The following KCNT2 variants were observed in gnomAD, a reference collection of about 807,000 sequenced individuals.
The protein encoded by KCNT2 is potassium channel subfamily T member 2.
In KCNT2, 67 loss-of-function variants were observed where a neutral mutation model predicts 153.8. The observed-to-expected ratio is 0.44, with a 90% CI of 0.36 to 0.53. The LOEUF (loss-of-function observed/expected upper bound fraction) is 0.53. Ranked by LOEUF, KCNT2 falls within the 20% of genes least tolerant of loss-of-function variation. KCNT2 has a pLI of 0.00. For missense variants in KCNT2, 975 were observed against 1,354.8 expected (o/e 0.72, Z 4.40); for synonymous variants, 500 against 458.8 (o/e 1.09, Z -1.15).
intron 26 of KCNT2, among the ~76,000 whole-genome samples, chr1:196,251,654 A>G (rs2102299598): frequency 6.6e-6 from 1 of 152,110 alleles, no homozygotes; most frequent in East Asian, 1.9e-4. Flanking sequence ...GTACAAAAAT[A>G]TAATTAGATA....
chr1:196,507,734 G>A (rs1033099801), intron 1 of KCNT2, among the ~76,000 whole-genome samples: 1 of 151,992 alleles, frequency 6.6e-6, no homozygotes, highest in East Asian at 1.9e-4. Context: ...TGCTATAACA[G>A]CCCTTCCTCA....
intron 12 of KCNT2, among the ~76,000 whole-genome samples, chr1:196,422,252 C>T (rs1241679898): frequency 6.6e-6 from 1 of 151,978 alleles, no homozygotes; most frequent in Non-Finnish European, 1.5e-5. Flanking sequence ...CTATTAAGTG[C>T]TCCAGAAGAG....
At chr1:196,276,330 T>G (rs768267649) in intron 25 of KCNT2, among the ~76,000 whole-genome samples, 1 of 152,124 alleles carries the variant, frequency 6.6e-6, no homozygotes, top group Non-Finnish European at 1.5e-5. Flanking sequence ...CGATGTTATA[T>G]TCCTAAGGTC....
At chr1:196,559,661 AT>A (rs1314586195) in intron 1 of KCNT2, among the ~76,000 whole-genome samples, 2 of 151,846 alleles carry the variant, frequency 1.3e-5, no homozygotes, top group Non-Finnish European at 2.9e-5. Flanking sequence ...AAACAGCTTA[AT>A]TGTAAAAAGC....
chr1:196,321,513 A>T (rs1475324050), intron 19 of KCNT2, among the ~76,000 whole-genome samples: 2 of 152,008 alleles, frequency 1.3e-5, no homozygotes, highest in African/African-American at 2.4e-5. Flanking sequence ...GAAACTCATG[A>T]ATTTCAGTCA....
chr1:196,242,512 A>G (rs1358647215), intron 26 of KCNT2, among the ~76,000 whole-genome samples: 1 of 152,186 alleles, frequency 6.6e-6, no homozygotes, highest in Non-Finnish European at 1.5e-5. Flanking sequence ...AAAAATAAGT[A>G]CATACCAAGC....
intron 22 of KCNT2, among the ~76,000 whole-genome samples, chr1:196,297,461 G>A (rs1660778412): frequency 6.6e-6 from 1 of 152,090 alleles, no homozygotes; most frequent in African/African-American, 2.4e-5. Context: ...GCACTGCATT[G>A]TCTTAGTAGC....
intron 25 of KCNT2, among the ~76,000 whole-genome samples, chr1:196,260,409 C>T (rs1242840149): frequency 6.6e-6 from 1 of 151,770 alleles, no homozygotes; most frequent in Non-Finnish European, 1.5e-5. Flanking sequence ...AAGTATACAT[C>T]TACAAGATGA....
At chr1:196,377,744 G>A (rs1037561685) in intron 13 of KCNT2, among the ~76,000 whole-genome samples, 1 of 152,026 alleles carries the variant, frequency 6.6e-6, no homozygotes, top group Non-Finnish European at 1.5e-5. Flanking sequence ...ATGAACACTT[G>A]CAGAATTGAA....
intron 8 of KCNT2, among the ~76,000 whole-genome samples, chr1:196,445,204 T>C (rs1346104308): frequency 6.6e-6 from 1 of 151,412 alleles, no homozygotes; most frequent in Non-Finnish European, 1.5e-5. Context: ...CCATCTTCTT[T>C]ACTATCAAGA....
intron 1 of KCNT2, among the ~76,000 whole-genome samples, chr1:196,506,449 A>G (rs1681153071): frequency 6.6e-6 from 1 of 152,182 alleles, no homozygotes; most frequent in Non-Finnish European, 1.5e-5. Flanking sequence ...AAAAATAAGC[A>G]TATAATACAA....
chr1:196,410,158 T>C (rs1238236632), intron 12 of KCNT2, among the ~76,000 whole-genome samples: 1 of 151,764 alleles, frequency 6.6e-6, no homozygotes, highest in Non-Finnish European at 1.5e-5. Context: ...TCCTTTCGTG[T>C]GTGTGTGTGT....
rs1175875303 is a variant in KCNT2, at chr1:196,405,578, A to G, written c.1186-6907T>C. Among the ~76,000 whole-genome samples the G allele has an allele frequency of 7.3e-5, 11 of 151,586 alleles. No individual in the cohort carries two copies. In the South Asian group the frequency reaches 8.3e-4, roughly 11 times the overall value. ...ACTCAGACATTTTAGATGAAATTTT[A>G]TAAATGAATTATTTACCTCTCCATA... On this transcript the variant is annotated intron_variant, in intron 12 of 27. Transcript: ENST00000294725.
intron 1 of KCNT2, among the ~76,000 whole-genome samples, chr1:196,502,438 T>C (rs1409827379): frequency 6.6e-6 from 1 of 152,126 alleles, no homozygotes; most frequent in East Asian, 1.9e-4. Context: ...CTCACACACA[T>C]AGAGACACGT....
chr1:196,493,908 A>G (rs1680049844), intron 1 of KCNT2, among the ~76,000 whole-genome samples: 1 of 152,206 alleles, frequency 6.6e-6, no homozygotes, highest in Non-Finnish European at 1.5e-5. Flanking sequence ...AAATTGTTTT[A>G]AAGTAAGCAA....
At chr1:196,540,078 C>T (rs1656131378) in intron 1 of KCNT2, among the ~76,000 whole-genome samples, 1 of 152,026 alleles carries the variant, frequency 6.6e-6, no homozygotes, top group Admixed American at 6.5e-5. Flanking sequence ...TTAAGGGTAG[C>T]TCAATTTTCC....
At chr1:196,524,612 G>T (rs1653932169) in intron 1 of KCNT2, among the ~76,000 whole-genome samples, 1 of 152,012 alleles carries the variant, frequency 6.6e-6, no homozygotes, top group Non-Finnish European at 1.5e-5. Flanking sequence ...TACATAATAC[G>T]ATGTAAAACA....
chr1:196,271,519 C>A (rs1483682741), intron 25 of KCNT2, among the ~76,000 whole-genome samples: 1 of 151,822 alleles, frequency 6.6e-6, no homozygotes, highest in Non-Finnish European at 1.5e-5. Flanking sequence ...AGTAAGTGTG[C>A]CAGTGAAACT....
At chr1:196,513,471 A>G (rs1444948713) in intron 1 of KCNT2, among the ~76,000 whole-genome samples, 3 of 152,224 alleles carry the variant, frequency 2.0e-5, no homozygotes, top group Non-Finnish European at 2.9e-5. Context: ...GCTGGGGATA[A>G]TATGAATAAT....
Sources: allele counts gnomAD v4.1 joint callset (sites outside exome capture counted in the v4.1 genomes callset), GRCh38; gene constraint gnomAD v4.1.1; transcripts MANE v1.5; gene names NCBI Gene and HGNC (gene_info 2026-07-23, HGNC 2026-07-21).